Variants in SLC38A2 observed in about 807,000 individuals in gnomAD.
SLC38A2 encodes the protein sodium-coupled neutral amino acid symporter 2.
In SLC38A2, 11 loss-of-function variants were observed where a neutral mutation model predicts 61.5. The observed-to-expected ratio is 0.18, with a 90% CI of 0.11 to 0.30. The LOEUF (loss-of-function observed/expected upper bound fraction) is 0.30. SLC38A2 is among the 10% of genes least tolerant of loss of function. The pLI is 1.00. For missense variants in SLC38A2, 522 were observed against 600.4 expected, an observed-to-expected ratio of 0.87 and a Z score of 1.36; for synonymous variants, 217 against 212.5, an observed-to-expected ratio of 1.02 and a Z score of -0.18.
Position 46,372,670 on chromosome 12 carries a change from G to T in SLC38A2, c.-248C>A, listed in dbSNP as rs923324507. 1 of 398,526 alleles carries T rather than the reference G, an allele frequency of 2.5e-6. No individual in the cohort carries two copies. The highest frequency in any genetic ancestry group is 2.1e-5 in the African/African-American group (1 of 48,760). The allele number at this position is 398,526 out of a possible 1,614,324, so 24.7% of individuals were successfully genotyped here. On this transcript the variant is annotated 5_prime_UTR_variant, in exon 1 of 16. Transcript: ENST00000256689. ...CAAATTGCCGCCCCAATCCTCCGGCGTCCGCCGTGTCAAGGGAAAGGCGCG... is the reference window on the plus strand; with the variant it reads ...CAAATTGCCGCCCCAATCCTCCGGCTTCCGCCGTGTCAAGGGAAAGGCGCG...
rs187005706 is a variant in SLC38A2, at chr12:46,361,917, A to T, written c.1422+367T>A. 3 of 171,936 alleles carry T rather than the reference A, an allele frequency of 1.7e-5. No individual in the cohort carries two copies. In the East Asian group the frequency reaches 5.1e-4, roughly 29 times the overall value. The allele number at this position is 171,936 out of a possible 1,614,324, so 10.7% of individuals were successfully genotyped here. On this transcript the variant is annotated intron_variant, in intron 15 of 15. Transcript: ENST00000256689. ...TGAAGATGGTCAGTCTCATTCAACTAAACAGCCCTTCCTTCTCTTTTATAT... is the reference window on the plus strand; with the variant it reads ...TGAAGATGGTCAGTCTCATTCAACTTAACAGCCCTTCCTTCTCTTTTATAT...
At chr12:46,369,329 C>G (rs1943170663) in intron 4 of SLC38A2, among the ~76,000 whole-genome samples, 1 of 152,188 alleles carries the variant, frequency 6.6e-6, no homozygotes, top group African/African-American at 2.4e-5. Flanking sequence ...CTCAAAAAGC[C>G]TCATCCTAAT....
intron 1 of SLC38A2, 30 bp downstream of exon 1, chr12:46,372,479 T>A: frequency 9.4e-6 from 3 of 319,766 alleles, no homozygotes; most frequent in Middle Eastern, 8.5e-4. Context: ...CCCCGCGCCC[T>A]TCCCACAGAC....
intron 7 of SLC38A2, among the ~76,000 whole-genome samples, chr12:46,365,699 C>T (rs748817954): frequency 1.1e-4 from 17 of 150,892 alleles, no homozygotes; most frequent in Non-Finnish European, 1.9e-4. Flanking sequence ...GGCAAACTGC[C>T]CCCCCCATAA....
At position 46,358,202 on chromosome 12, in the gene SLC38A2, GTATT is replaced by G. The variant is rs1362268077; in HGVS notation, c.*2905_*2908del. The stretch of plus-strand genomic sequence containing the variant: ...AACACTGCTACTCAGGATTAAGCAT[GTATT>G]TATTTTAGTTCAGTTAAAACAAACA... On this transcript the variant is annotated 3_prime_UTR_variant, in exon 16 of 16. Transcript: ENST00000256689. The G allele has an allele frequency of 2.6e-5, 4 of 152,588 alleles. No homozygotes were observed. Among genetic ancestry groups the G allele is most frequent in the African/African-American group, 4.8e-5 (2 of 41,420 alleles). The allele number at this position is 152,588 out of a possible 1,614,324, so 9.5% of individuals were successfully genotyped here.
At chr12:46,364,832 A>C (rs1244405245) in intron 8 of SLC38A2, 130 bp from the exon 9 acceptor site, 1 of 802,196 alleles carries the variant, frequency 1.2e-6, no homozygotes, top group East Asian at 2.7e-5. Flanking sequence ...ATAGCACTAA[A>C]TTTCTAATTC....
rs536484903 is a variant in SLC38A2 at position 46,361,137 on chromosome 12, G to A, written c.1495C>T (p.His499Tyr). 15 of 1,613,464 alleles carry A rather than the reference G, an allele frequency of 9.3e-6. 1 individual carries two copies. In the African/African-American group the frequency reaches 1.7e-4, roughly 19 times the overall value. The change falls in exon 16 of 16, where the codon CAC becomes TAC. Residue 499 changes from histidine (H) to tyrosine (Y), a missense_variant. By Grantham distance (83) the His-to-Tyr change is moderately conservative (BLOSUM62 2). Transcript: ENST00000256689. The part of the protein sequence containing the change: ...SMALIVLDWV[H>Y]NAPGGGH ...TAATGGCCACCTCCAGGTGCATTGT[G>A]TACCCAATCCAAAACAATCAAGGCC... is the stretch of plus-strand genomic sequence containing the variant.
intron 1 of SLC38A2, 100 bp from the exon 2 acceptor site, chr12:46,371,479 G>A (rs985335899): frequency 1.8e-6 from 1 of 566,852 alleles, no homozygotes; most frequent in Non-Finnish European, 3.1e-6. Context: ...TCCCAGGCCA[G>A]GCGAGTGGAA....
chr12:46,364,898 A>C (rs1341402179), intron 8 of SLC38A2, 196 bp from the exon 9 acceptor site: 2 of 670,946 alleles, frequency 3.0e-6, no homozygotes, highest in African/African-American at 1.8e-5. Flanking sequence ...CCAAGCTAAT[A>C]AAAACTATCA....
chr12:46,367,004 C>T, intron 6 of SLC38A2, 59 bp from the exon 7 acceptor site: 19 of 1,597,706 alleles, frequency 1.2e-5, no homozygotes, highest in South Asian at 6.6e-5. Context: ...GACACTAAAA[C>T]GCATGTGTCA....
At chr12:46,362,147 G>C (rs1162340398) in intron 15 of SLC38A2, 137 bp downstream of exon 15, 1 of 672,898 alleles carries the variant, frequency 1.5e-6, no homozygotes, top group Admixed American at 3.3e-5. Flanking sequence ...CATCTGTGAA[G>C]TATACCATTA....
rs1315510407 is a variant in SLC38A2, at chr12:46,364,549, C to G, written c.713G>C (p.Cys238Ser). 1.2e-6 allele frequency: 2 copies of G among 1,602,080 alleles called. No homozygotes were observed. Among genetic ancestry groups the G allele is most frequent in the Non-Finnish European group, 1.7e-6 (2 of 1,176,462 alleles). The part of the protein sequence containing the change: ...CMVFFLIVVI[C>S]KKFQVPCPVE... ...AGGACACGGAACCTGAAATTTCTTG[C>G]AAATGACCTAAAAATATATTATTTT... is the stretch of plus-strand genomic sequence containing the variant. Residue 238 changes from cysteine to serine, a missense_variant, in exon 10 of 16, where the codon TGC (cysteine) becomes TCC (serine). Cys to Ser is a moderately radical substitution (Grantham distance 112). This residue lies in a region of SLC38A2 where 309 missense variants were observed against 343.9 expected (regional missense o/e 0.90). Transcript: ENST00000256689.
At position 46,366,866 on chromosome 12, in the gene SLC38A2, A is replaced by G. The variant is rs763539250; in HGVS notation, c.561T>C (p.Thr187=). The change falls in exon 7 of 16, where the codon ACT becomes ACC. Residue 187 remains threonine, a splice_region_variant and synonymous_variant. Coordinates refer to ENST00000256689, the MANE Select transcript of SLC38A2 (RefSeq NM_018976.5). ...IQALTNIEDK[T]GLWYLNGNYL... ...GAGTAACCTTACTTAGCACCTACCC[A>G]GTTTTATCTTCAATGTTCGTTAATG... 5 of 1,611,568 alleles carry G rather than the reference A, an allele frequency of 3.1e-6. No homozygotes were observed. The highest frequency in any genetic ancestry group is 1.7e-5 in the Admixed American group (1 of 59,388).
chr12:46,366,757 C>T lies in SLC38A2; in HGVS notation c.563+107G>A, dbSNP rs541412670. Reference sequence around the variant, plus strand: ...CCTTCTTGGTCAGTTTCAAAAGGAACATTTATGGATAATTAACTAATCATT... The same window carrying T: ...CCTTCTTGGTCAGTTTCAAAAGGAATATTTATGGATAATTAACTAATCATT... On this transcript the variant is annotated intron_variant, in intron 7 of 15. Transcript: ENST00000256689. 8.5e-6 allele frequency: 9 copies of T among 1,053,864 alleles called. No homozygotes were observed. The South Asian group carries it at 1.4e-4, about 16-fold the overall frequency. The allele number at this position is 1,053,864 out of a possible 1,614,324, so 65.3% of individuals were successfully genotyped here.
intron 13 of SLC38A2, 94 bp from the exon 14 acceptor site, chr12:46,362,732 C>T: frequency 7.7e-7 from 1 of 1,302,460 alleles, no homozygotes; most frequent in South Asian, 1.5e-5. Context: ...GCCCAAGTAA[C>T]AAGGAATCTA....
rs1303968762 is a variant in SLC38A2, at chr12:46,360,770, G to A, written c.*341C>T. The A allele has an allele frequency of 4.4e-6, 1 of 227,352 alleles. No homozygotes were observed. The highest frequency in any genetic ancestry group is 8.5e-6 in the Non-Finnish European group (1 of 117,388). The allele number at this position is 227,352 out of a possible 1,614,324, so 14.1% of individuals were successfully genotyped here. ...AAATGGTTCCATTAGGCACATTCAA[G>A]TAAAATCATAAAATATCCAAGTTAA... On this transcript the variant is annotated 3_prime_UTR_variant, in exon 16 of 16. Coordinates refer to ENST00000256689, the MANE Select transcript of SLC38A2 (RefSeq NM_018976.5).
chr12:46,365,049 A>G lies in SLC38A2; in HGVS notation c.646+58T>C, dbSNP rs1037792873. 24 of 1,399,466 alleles carry G rather than the reference A, an allele frequency of 1.7e-5. No homozygotes were observed. In the Admixed American group the frequency reaches 4.2e-4, roughly 24 times the overall value. The allele number at this position is 1,399,466 out of a possible 1,614,324, so 86.7% of individuals were successfully genotyped here. A position where few individuals can be genotyped will look rare whatever the true frequency, so the allele number is the denominator to read the frequency against. ...TTCTGATTAATTTCTATTCAGAGAA[A>G]GCCCAACTAACTGGTGAGAGGCTCA... On this transcript the variant is annotated intron_variant, in intron 8 of 15. Coordinates refer to ENST00000256689, the MANE Select transcript of SLC38A2 (RefSeq NM_018976.5).
chr12:46,364,553 T>G lies in SLC38A2; in HGVS notation c.709A>C (p.Ile237Leu). The G allele has an allele frequency of 1.9e-6, 3 of 1,602,270 alleles. No individual in the cohort carries two copies. Among genetic ancestry groups the G allele is most frequent in the Non-Finnish European group, 2.5e-6 (3 of 1,176,514 alleles). ...LCMVFFLIVV[I>L]CKKFQVPCPV... The stretch of plus-strand genomic sequence containing the variant: ...CACGGAACCTGAAATTTCTTGCAAA[T>G]GACCTAAAAATATATTATTTTGCAT... Residue 237 changes from isoleucine to leucine, a missense_variant, in exon 10 of 16, where the codon ATT becomes CTT. Physicochemically the swap from Ile to Leu is conservative, Grantham distance 5. Coordinates refer to ENST00000256689, the MANE Select transcript of SLC38A2 (RefSeq NM_018976.5).
In SLC38A2 at chr12:46,364,673, A is replaced by G. The variant is rs751310719; in HGVS notation, c.676T>C (p.Leu226=). The G allele has an allele frequency of 4.3e-6, 7 of 1,610,882 alleles. No individual in the cohort carries two copies. The highest frequency in any genetic ancestry group is 5.9e-6 in the Non-Finnish European group (7 of 1,178,686). The change falls in exon 9 of 16, where the codon TTG becomes CTG. Residue 226 remains leucine (L), a synonymous_variant. Transcript: ENST00000256689. ...ATCAGAAAGAACACCATACACAACA[A>G]GGAAAGGCCACTGGTATATCCCAAA... is the stretch of plus-strand genomic sequence containing the variant. ...GYLGYTSGLS[L]LCMVFFLIVV...
Sources: allele counts gnomAD v4.1 joint callset (sites outside exome capture counted in the v4.1 genomes callset), GRCh38; gene constraint gnomAD v4.1.1; regional missense constraint gnomAD v4.1.1; transcripts MANE v1.5; gene names NCBI Gene and HGNC (gene_info 2026-07-23, HGNC 2026-07-21).